GATAD2B: variants seen among roughly 807,000 people sequenced by gnomAD.
GATAD2B encodes transcriptional repressor p66-beta.
A neutral mutation model predicts 64.3 loss-of-function variants in GATAD2B; 8 were observed. The ratio of observed to expected loss-of-function variants is 0.12; its 90% confidence interval spans 0.07 to 0.22. The LOEUF (loss-of-function observed/expected upper bound fraction) is 0.22. GATAD2B is among the 10% of genes least tolerant of loss of function. The pLI, the probability that GATAD2B is intolerant of heterozygous loss-of-function variation, is 1.00. For missense variants in GATAD2B, 453 were observed against 752.0 expected, an observed-to-expected ratio of 0.60 and a Z score of 4.65; for synonymous variants, 281 against 271.3, an observed-to-expected ratio of 1.04 and a Z score of -0.35.
At chr1:153,814,697 C>T (rs903631445) in intron 7 of GATAD2B, among the ~76,000 whole-genome samples, 4 of 152,022 alleles carry the variant, frequency 2.6e-5, no homozygotes, top group Non-Finnish European at 4.4e-5. Flanking sequence ...TTGCTTGCGC[C>T]GGGCACAGTG....
chr1:153,878,692 T>C (rs1488015856), intron 1 of GATAD2B, among the ~76,000 whole-genome samples: 1 of 151,032 alleles, frequency 6.6e-6, no homozygotes, highest in Non-Finnish European at 1.5e-5. Context: ...ACTCTCCCCA[T>C]CAGTGCTGTT....
At chr1:153,908,234 C>T (rs998169857) in intron 1 of GATAD2B, among the ~76,000 whole-genome samples, 8 of 152,160 alleles carry the variant, frequency 5.3e-5, no homozygotes, top group African/African-American at 1.9e-4. Context: ...TGGCTCATGC[C>T]TGTAATCTCA....
intron 1 of GATAD2B, among the ~76,000 whole-genome samples, chr1:153,840,415 G>A (rs919323118): frequency 2.6e-5 from 4 of 151,324 alleles, no homozygotes; most frequent in Non-Finnish European, 4.4e-5. Context: ...TCGGCTCACC[G>A]CAACCTCCGC....
chr1:153,901,167 T>C (rs1050509973), intron 1 of GATAD2B, among the ~76,000 whole-genome samples: 8 of 150,912 alleles, frequency 5.3e-5, no homozygotes, highest in Non-Finnish European at 1.2e-4. Flanking sequence ...TAAGCCGCCA[T>C]AGTGCCACTG....
intron 7 of GATAD2B, among the ~76,000 whole-genome samples, chr1:153,814,686 A>G (rs1279782235): frequency 1.3e-5 from 2 of 152,130 alleles, no homozygotes; most frequent in African/African-American, 4.8e-5. Context: ...AGACAAAAGA[A>G]TTGCTTGCGC....
intron 1 of GATAD2B, among the ~76,000 whole-genome samples, chr1:153,841,353 T>C (rs1675487789): frequency 1.3e-5 from 2 of 152,150 alleles, no homozygotes; most frequent in East Asian, 1.9e-4. Flanking sequence ...TGTAAGTTCA[T>C]GTATCCATCA....
chr1:153,917,742 A>G (rs6676863), intron 1 of GATAD2B, among the ~76,000 whole-genome samples: 13,788 of 152,262 alleles, frequency 0.091, 875 homozygotes, highest in South Asian at 0.17. Flanking sequence ...ACTAGGCACT[A>G]AACAAATTAC....
intron 1 of GATAD2B, among the ~76,000 whole-genome samples, chr1:153,870,060 G>A (rs892103984): frequency 7.2e-5 from 11 of 152,086 alleles, no homozygotes; most frequent in Non-Finnish European, 1.5e-4. Context: ...CAATTCTCCT[G>A]CCTCAGCCTT....
At chr1:153,897,731 G>C (rs1465889792) in intron 1 of GATAD2B, among the ~76,000 whole-genome samples, 1 of 152,064 alleles carries the variant, frequency 6.6e-6, no homozygotes, top group Non-Finnish European at 1.5e-5. Context: ...CACCACTCCT[G>C]CTATATAGGT....
chr1:153,843,395 T>C (rs771197205), intron 1 of GATAD2B, among the ~76,000 whole-genome samples: 12 of 151,946 alleles, frequency 7.9e-5, no homozygotes, highest in Non-Finnish European at 1.6e-4. Context: ...CCTGGCCTCA[T>C]TGCACCCTCC....
chr1:153,880,757 T>C (rs955800009), intron 1 of GATAD2B, among the ~76,000 whole-genome samples: 2 of 151,894 alleles, frequency 1.3e-5, no homozygotes, highest in African/African-American at 4.8e-5. Flanking sequence ...GTTGGGAGGA[T>C]AGCTTGAACC....
At chr1:153,850,666 TC>T (rs993311422) in intron 1 of GATAD2B, among the ~76,000 whole-genome samples, 1 of 150,172 alleles carries the variant, frequency 6.7e-6, no homozygotes, top group Non-Finnish European at 1.5e-5. Context: ...ACACCTGTAA[TC>T]CCAGCACTTT....
intron 1 of GATAD2B, among the ~76,000 whole-genome samples, chr1:153,846,838 C>T (rs755461917): frequency 1.3e-5 from 2 of 151,664 alleles, no homozygotes; most frequent in Non-Finnish European, 2.9e-5. Flanking sequence ...GGATTACAGG[C>T]GTGAGCCACC....
chr1:153,819,748 G>A lies in GATAD2B; in HGVS notation c.336-13C>T, dbSNP rs754357270. On this transcript the variant is annotated splice_polypyrimidine_tract_variant and intron_variant, in intron 2 of 10. Transcript: ENST00000368655. ...TCGCTCTGGCTCACTAGACAAGAAA[G>A]GGAAAAAATAAGCTATTTCCAACAA... is the stretch of plus-strand genomic sequence containing the variant. The A allele has an allele frequency of 6.4e-7, 1 of 1,574,302 alleles. No homozygotes were observed. Among genetic ancestry groups the A allele is most frequent in the Non-Finnish European group, 8.6e-7 (1 of 1,166,594 alleles).
At chr1:153,819,514 T>TA in intron 3 of GATAD2B, 92 bp downstream of exon 3, 1 of 924,726 alleles carries the variant, frequency 1.1e-6, no homozygotes, top group Non-Finnish European at 1.6e-6. Context: ...ATCCAAAGAG[T>TA]AAATAGTCAA....
At chr1:153,862,118 C>T (rs868700866) in intron 1 of GATAD2B, among the ~76,000 whole-genome samples, 27 of 101,182 alleles carry the variant, frequency 2.7e-4, no homozygotes, top group South Asian at 3.5e-4. Flanking sequence ...ACATTATATC[C>T]TTTTTTTTTT....
intron 1 of GATAD2B, among the ~76,000 whole-genome samples, chr1:153,898,007 A>C (rs563409636): frequency 0.016 from 2,417 of 150,810 alleles, 27 homozygotes; most frequent in Non-Finnish European, 0.028. Context: ...AAAAAAACAA[A>C]AAAAAAAAAA....
chr1:153,853,505 T>A, intron 1 of GATAD2B: 1 of 346,196 alleles, frequency 2.9e-6, no homozygotes, highest in South Asian at 4.1e-5. Flanking sequence ...TATGAGTTCC[T>A]TACATATGTT....
intron 10 of GATAD2B, among the ~76,000 whole-genome samples, chr1:153,810,632 T>G (rs1674262975): frequency 6.6e-6 from 1 of 151,976 alleles, no homozygotes; most frequent in Admixed American, 6.6e-5. Context: ...TTTTTTGTAT[T>G]TTTAGTAGAG....
Sources: gnomAD v4.1 joint callset for allele counts (sites outside exome capture counted in the v4.1 genomes callset) on GRCh38, gnomAD v4.1.1 for gene constraint, MANE v1.5 for transcripts, NCBI Gene and HGNC (gene_info 2026-07-23, HGNC 2026-07-21) for gene names.